The following WDR76 variants were observed in gnomAD, a reference collection of about 807,000 sequenced individuals.
The protein encoded by WDR76 is WD repeat domain 76.
In WDR76, 52 loss-of-function variants were observed where a neutral mutation model predicts 70.2. The ratio of observed to expected loss-of-function variants is 0.74; its 90% CI spans 0.59 to 0.93. WDR76 has a LOEUF of 0.93. Among genes scored for constraint, WDR76 ranks in the 40% least tolerant of loss-of-function variants. The pLI is 0.00. For missense variants in WDR76, 756 were observed against 760.2 expected, an observed-to-expected ratio of 0.99 and a Z score of 0.07; for synonymous variants, 292 against 271.1, an observed-to-expected ratio of 1.08 and a Z score of -0.76.
intron 3 of WDR76, among the ~76,000 whole-genome samples, chr15:43,835,401 A>G (rs924765472): frequency 4.0e-5 from 6 of 148,270 alleles, no homozygotes; most frequent in African/African-American, 1.5e-4. Context: ...AGGTGGAAGG[A>G]TGGCTTGAGT....
rs1483885980 is a variant in WDR76 at position 43,842,736 on chromosome 15, G to A, written c.878+65G>A. 3.7e-5 allele frequency: 52 copies of A among 1,424,634 alleles called. No individual in the cohort carries two copies. In the South Asian group the frequency reaches 4.6e-4, roughly 13 times the overall value. The allele number at this position is 1,424,634 out of a possible 1,614,324, so 88.2% of individuals were successfully genotyped here. The stretch of plus-strand genomic sequence containing the variant: ...GATGTTTGAGTTATAAAGACTATAC[G>A]CCATTTTAGGGAATTTTGAAAGTGA... On this transcript the variant is annotated intron_variant, in intron 7 of 12. Coordinates refer to ENST00000263795, the MANE Select transcript of WDR76 (RefSeq NM_024908.4).
At chr15:43,850,228 A>G (rs937741126) in intron 8 of WDR76, among the ~76,000 whole-genome samples, 1 of 151,978 alleles carries the variant, frequency 6.6e-6, no homozygotes, top group Non-Finnish European at 1.5e-5. Context: ...AGGTATATTA[A>G]TATGGAAATT....
chr15:43,836,091 C>G, intron 3 of WDR76, 70 bp from the exon 4 acceptor site: 2 of 1,400,342 alleles, frequency 1.4e-6, no homozygotes, highest in Non-Finnish European at 1.9e-6. Context: ...GGTATAGTAG[C>G]AGATGCTTAA....
At chr15:43,854,994 G>A (rs1014239572) in intron 9 of WDR76, among the ~76,000 whole-genome samples, 5 of 150,860 alleles carry the variant, frequency 3.3e-5, no homozygotes, top group South Asian at 2.1e-4. Flanking sequence ...TCAAGATTAC[G>A]TCATGACCTT....
chr15:43,846,953 C>T (rs761318820), intron 8 of WDR76, among the ~76,000 whole-genome samples: 2 of 142,882 alleles, frequency 1.4e-5, no homozygotes, highest in African/African-American at 2.6e-5. Flanking sequence ...ACACAGGAGA[C>T]GGAGGTTGCA....
intron 8 of WDR76, among the ~76,000 whole-genome samples, chr15:43,850,626 G>A (rs2087846184): frequency 6.6e-6 from 1 of 152,124 alleles, no homozygotes; most frequent in Non-Finnish European, 1.5e-5. Flanking sequence ...GACAAAGTAT[G>A]TTTAAAACCA....
At chr15:43,851,637 A>T (rs1423782644) in intron 9 of WDR76, among the ~76,000 whole-genome samples, 1 of 152,124 alleles carries the variant, frequency 6.6e-6, no homozygotes, top group Non-Finnish European at 1.5e-5. Context: ...GTTTTTAGGC[A>T]TAAGACTTGT....
chr15:43,861,195 G>A (rs778656740), intron 11 of WDR76, 138 bp from the exon 12 acceptor site: 26 of 760,450 alleles, frequency 3.4e-5, no homozygotes, highest in South Asian at 5.2e-5. Context: ...CTCTAAACCC[G>A]GCCTGATCCT....
Position 43,839,738 on chromosome 15 carries a change from T to C in WDR76, c.732+10T>C. 1 of 1,587,934 alleles carries C rather than the reference T, an allele frequency of 6.3e-7. No homozygotes were observed. The highest frequency in any genetic ancestry group is 1.4e-5 in the African/African-American group (1 of 73,820). ...AGTAGCAGATGAAACTGTAAGGAAA[T>C]GTGCAAATATAATATTTTAATGTAA... is the stretch of plus-strand genomic sequence containing the variant. On this transcript the variant is annotated intron_variant, in intron 5 of 12. Transcript: ENST00000263795.
At chr15:43,857,221 T>C in intron 10 of WDR76, 58 bp downstream of exon 10, 2 of 1,486,044 alleles carry the variant, frequency 1.3e-6, no homozygotes, top group Non-Finnish European at 1.8e-6. Context: ...TTACATGGTT[T>C]AGTTTGGTTG....
intron 2 of WDR76, among the ~76,000 whole-genome samples, chr15:43,830,779 GTT>G (rs2087577617): frequency 2.6e-5 from 4 of 152,038 alleles, no homozygotes; most frequent in Admixed American, 2.6e-4. Flanking sequence ...GGCCATGGTG[GTT>G]CATGCCTGCA....
chr15:43,848,908 A>G (rs2087821380), intron 8 of WDR76, among the ~76,000 whole-genome samples: 1 of 150,808 alleles, frequency 6.6e-6, no homozygotes, highest in South Asian at 2.1e-4. Flanking sequence ...ACTGCACTCC[A>G]GCCTGGGCGA....
intron 9 of WDR76, among the ~76,000 whole-genome samples, chr15:43,852,810 A>G (rs543895771): frequency 3.2e-4 from 49 of 152,300 alleles, no homozygotes; most frequent in African/African-American, 1.1e-3. Context: ...TTATGGCTGC[A>G]TAATATGCCA....
intron 2 of WDR76, among the ~76,000 whole-genome samples, chr15:43,834,726 C>A: frequency 6.6e-6 from 1 of 152,222 alleles, no homozygotes; most frequent in African/African-American, 2.4e-5. Context: ...GGATTACAGG[C>A]GTGAGCCACT....
intron 5 of WDR76, 139 bp from the exon 6 acceptor site, chr15:43,842,276 T>A: frequency 1.5e-6 from 1 of 658,694 alleles, no homozygotes; most frequent in Non-Finnish European, 2.6e-6. Flanking sequence ...ACAATTATTT[T>A]GAATGTCCAT....
intron 8 of WDR76, among the ~76,000 whole-genome samples, chr15:43,850,504 C>T (rs1337329201): frequency 6.6e-6 from 1 of 151,754 alleles, no homozygotes; most frequent in East Asian, 1.9e-4. Flanking sequence ...ACCATGTTAG[C>T]CAGGATGGTC....
At chr15:43,863,608 GGA>G (rs2088033320) in intron 12 of WDR76, among the ~76,000 whole-genome samples, 3 of 151,188 alleles carry the variant, frequency 2.0e-5, no homozygotes, top group Non-Finnish European at 4.4e-5. Flanking sequence ...TGCCCAGTAT[GGA>G]GTGTGGTGGC....
Position 43,835,051 on chromosome 15 carries a change from A to G in WDR76, c.463-10A>G. ...TAAAGTAATGGAATCTTTTTGGTGT[A>G]ATTTTATAGGATTTTTCGGGATTGT... is the stretch of plus-strand genomic sequence containing the variant. On this transcript the variant is annotated splice_polypyrimidine_tract_variant and intron_variant, in intron 2 of 12. Coordinates refer to ENST00000263795, the MANE Select transcript of WDR76 (RefSeq NM_024908.4). 1 of 1,611,602 alleles carries G rather than the reference A, an allele frequency of 6.2e-7. No homozygotes were observed. Among genetic ancestry groups the G allele is most frequent in the South Asian group, 1.1e-5 (1 of 90,970 alleles).
chr15:43,835,935 T>C (rs938764316), intron 3 of WDR76, among the ~76,000 whole-genome samples: 1 of 151,648 alleles, frequency 6.6e-6, no homozygotes, highest in African/African-American at 2.4e-5. Context: ...GGGATTACAG[T>C]TGTGATCCAC....
Sources: gnomAD v4.1 joint callset for allele counts (sites outside exome capture counted in the v4.1 genomes callset) on GRCh38, gnomAD v4.1.1 for gene constraint, MANE v1.5 for transcripts, NCBI Gene and HGNC (gene_info 2026-07-23, HGNC 2026-07-21) for gene names.